GLIS3: variants seen among roughly 807,000 people sequenced by gnomAD.
The protein encoded by GLIS3 is GLIS family zinc finger 3, also known as zinc finger protein GLIS3.
A neutral mutation model predicts 78.6 loss-of-function variants in GLIS3; 53 were observed. The observed-to-expected ratio is 0.67, with a 90% CI of 0.54 to 0.85. The LOEUF (loss-of-function observed/expected upper bound fraction) is 0.85. GLIS3 is among the 40% of genes least tolerant of loss of function. GLIS3 has a pLI of 0.00. For synonymous variants in GLIS3, 684 were observed against 509.9 expected (o/e 1.34, Z -4.60); for missense variants, 1,703 against 1,231.1 (o/e 1.38, Z -5.74).
At chr9:3,969,880 G>C (rs1413325583) in intron 4 of GLIS3, among the ~76,000 whole-genome samples, 1 of 152,182 alleles carries the variant, frequency 6.6e-6, no homozygotes, top group Non-Finnish European at 1.5e-5. Context: ...TATACTTTCA[G>C]GGAAGGAAGC....
the GLIS3 span, among the ~76,000 whole-genome samples, chr9:4,422,256 G>T: frequency 6.6e-6 from 1 of 152,140 alleles, no homozygotes; most frequent in East Asian, 1.9e-4. Context: ...TTTATTTTAT[G>T]CATTGTTCTG....
the GLIS3 span, among the ~76,000 whole-genome samples, chr9:4,450,028 G>C: frequency 2.0e-5 from 3 of 152,080 alleles, no homozygotes; most frequent in African/African-American, 4.8e-5. Context: ...GCTTCAGAAG[G>C]TCGGTAATAA....
chr9:4,483,721 G>C, the GLIS3 span, among the ~76,000 whole-genome samples: 4 of 144,026 alleles, frequency 2.8e-5, no homozygotes, highest in African/African-American at 1.1e-4. Context: ...ACTTCGTCTT[G>C]GGAAAAAAAA....
chr9:4,407,022 C>T, the GLIS3 span, among the ~76,000 whole-genome samples: 1 of 152,186 alleles, frequency 6.6e-6, no homozygotes, highest in Non-Finnish European at 1.5e-5. Flanking sequence ...CTGGAAGAAT[C>T]ACATTACCTG....
At chr9:3,868,514 A>G (rs1261269995) in intron 8 of GLIS3, among the ~76,000 whole-genome samples, 1 of 152,230 alleles carries the variant, frequency 6.6e-6, no homozygotes, top group Non-Finnish European at 1.5e-5. Context: ...GTGCTGCTTC[A>G]CTAATCCAGG....
At chr9:3,942,866 T>A (rs910515483) in intron 4 of GLIS3, among the ~76,000 whole-genome samples, 1 of 152,118 alleles carries the variant, frequency 6.6e-6, no homozygotes, top group African/African-American at 2.4e-5. Context: ...TTGGTGGGAT[T>A]TTAAAAAGAC....
At chr9:4,266,869 C>A (rs1475647758) in intron 2 of GLIS3, among the ~76,000 whole-genome samples, 1 of 152,166 alleles carries the variant, frequency 6.6e-6, no homozygotes, top group Non-Finnish European at 1.5e-5. Flanking sequence ...TCAAATATAA[C>A]ATTTGGCAAC....
chr9:4,375,436 T>C, the GLIS3 span, among the ~76,000 whole-genome samples: 3 of 152,326 alleles, frequency 2.0e-5, no homozygotes, highest in Non-Finnish European at 4.4e-5. Flanking sequence ...TTGCGACTGT[T>C]TTATAATATA....
rs762629917 is a variant in GLIS3 at position 3,937,034 on chromosome 9, C to T, written c.1866G>A (p.Leu622=). The change falls in exon 5 of 11, where the codon CTG becomes CTA. Residue 622 remains leucine, a synonymous_variant. Coordinates refer to ENST00000381971, the MANE Select transcript of GLIS3 (RefSeq NM_001042413.2). ...AAGCTCCTGCCATTCTTACGGTGTC[C>T]AGATGCGTCCGCTGGTGTTTGGCGC... The part of the protein sequence containing the change: ...SDRAKHQRTH[L]DTKPYACQIP... 31 of 1,612,708 alleles carry T rather than the reference C, an allele frequency of 1.9e-5. 1 individual carries two copies. In the South Asian group the frequency reaches 3.4e-4, roughly 18 times the overall value.
chr9:3,839,775 A>T (rs1364947288), intron 9 of GLIS3, among the ~76,000 whole-genome samples: 3 of 152,324 alleles, frequency 2.0e-5, no homozygotes, highest in African/African-American at 7.2e-5. Flanking sequence ...TCTCACTGCC[A>T]GGTTGCAGGC....
chr9:4,213,517 T>G (rs1820551330), intron 2 of GLIS3, among the ~76,000 whole-genome samples: 4 of 152,232 alleles, frequency 2.6e-5, no homozygotes, highest in Admixed American at 1.3e-4. Context: ...ACTAACTACG[T>G]GTAAGCACTT....
At chr9:4,342,940 G>A (rs898148002) in intron 2 of GLIS3, among the ~76,000 whole-genome samples, 11 of 152,108 alleles carry the variant, frequency 7.2e-5, no homozygotes, top group African/African-American at 2.7e-4. Context: ...TTGTACACTG[G>A]TTTTGTATCC....
intron 2 of GLIS3, among the ~76,000 whole-genome samples, chr9:4,133,859 C>A (rs1163181541): frequency 1.0e-5 from 1 of 98,250 alleles, no homozygotes; most frequent in Non-Finnish European, 2.1e-5. Flanking sequence ...CACACACACA[C>A]ACACACACAC....
the GLIS3 span, among the ~76,000 whole-genome samples, chr9:4,458,255 C>T: frequency 2.0e-5 from 3 of 152,134 alleles, no homozygotes; most frequent in African/African-American, 7.2e-5. Flanking sequence ...AATCAGCTAT[C>T]GTTTTGGGGC....
chr9:4,457,819 C>G, the GLIS3 span, among the ~76,000 whole-genome samples: 2 of 146,332 alleles, frequency 1.4e-5, no homozygotes, highest in African/African-American at 5.1e-5. Context: ...CACTTCACTC[C>G]AGCCTGGCGA....
At chr9:4,296,292 GAA>G (rs201201304) in intron 1 of GLIS3, among the ~76,000 whole-genome samples, 88 of 116,228 alleles carry the variant, frequency 7.6e-4, no homozygotes, top group African/African-American at 7.7e-4. Flanking sequence ...ACAGTCAGAG[GAA>G]AAAAAAAAAA....
At chr9:4,222,943 C>T (rs899299924) in intron 2 of GLIS3, among the ~76,000 whole-genome samples, 2 of 152,178 alleles carry the variant, frequency 1.3e-5, no homozygotes, top group Admixed American at 1.3e-4. Flanking sequence ...CTGCTTATCT[C>T]AGTAGCCTTC....
rs1817671024 is a variant in GLIS3, at chr9:3,825,369, T to A, written c.*2903A>T. The A allele has an allele frequency of 6.6e-6, 1 of 152,226 alleles. No homozygotes were observed. The highest frequency in any genetic ancestry group is 1.5e-5 in the Non-Finnish European group (1 of 68,038). The allele number at this position is 152,226 out of a possible 1,614,324, so 9.4% of individuals were successfully genotyped here. On this transcript the variant is annotated 3_prime_UTR_variant, in exon 11 of 11. Transcript: ENST00000381971. Reference sequence around the variant, plus strand: ...CAGAGGCTAAATTACAACTGACATTTTGATGCAGTTTCGTTAGGGAATTAA... The same window carrying A: ...CAGAGGCTAAATTACAACTGACATTATGATGCAGTTTCGTTAGGGAATTAA...
At chr9:4,425,602 G>A in the GLIS3 span, among the ~76,000 whole-genome samples, 4 of 152,216 alleles carry the variant, frequency 2.6e-5, no homozygotes, top group African/African-American at 7.2e-5. Flanking sequence ...GGTTTGCAAT[G>A]CAATGGGTAG....
Sources: gnomAD v4.1 joint callset for allele counts (sites outside exome capture counted in the v4.1 genomes callset) on GRCh38, gnomAD v4.1.1 for gene constraint, MANE v1.5 for transcripts, NCBI Gene and HGNC (gene_info 2026-07-23, HGNC 2026-07-21) for gene names.